CRHR1: variants seen among roughly 807,000 people sequenced by gnomAD.
CRHR1 encodes corticotropin releasing hormone receptor 1.
A neutral mutation model predicts 56.0 loss-of-function variants in CRHR1; 28 were observed. The ratio of observed to expected loss-of-function variants is 0.50; its 90% confidence interval spans 0.37 to 0.69. The LOEUF (loss-of-function observed/expected upper bound fraction) is 0.69, where lower values mean the gene tolerates loss of function less well. Among genes scored for constraint, CRHR1 ranks in the 30% least tolerant of loss-of-function variants. The pLI is 0.00. For synonymous variants in CRHR1, 195 were observed against 216.5 expected, an observed-to-expected ratio of 0.90 and a Z score of 0.87; for missense variants, 376 against 548.0, an observed-to-expected ratio of 0.69 and a Z score of 3.13.
chr17:45,790,784 C>G (rs1248282793), intron 1 of CRHR1, among the ~76,000 whole-genome samples: 1 of 152,198 alleles, frequency 6.6e-6, no homozygotes, highest in Non-Finnish European at 1.5e-5. Context: ...ACCAGGGAGG[C>G]AGGGCTTGTT....
chr17:45,833,709 C>T lies in CRHR1; in HGVS notation c.930-5C>T, dbSNP rs776195233. On this transcript the variant is annotated splice_region_variant and splice_polypyrimidine_tract_variant and intron_variant, in intron 10 of 12. Coordinates refer to ENST00000314537, the MANE Select transcript of CRHR1 (RefSeq NM_004382.5). ...CTCCGAGCCTCCCCACCCGCCCCACCCCAGGAAGGCTGTGAAAGCCACTCT... is the reference window on the plus strand; with the variant it reads ...CTCCGAGCCTCCCCACCCGCCCCACTCCAGGAAGGCTGTGAAAGCCACTCT... 1 of 1,608,016 alleles carries T rather than the reference C, an allele frequency of 6.2e-7. No individual in the cohort carries two copies. Among genetic ancestry groups the T allele is most frequent in the South Asian group, 1.1e-5 (1 of 90,872 alleles).
chr17:45,821,757 A>G (rs1447700132), intron 4 of CRHR1, among the ~76,000 whole-genome samples: 1 of 152,194 alleles, frequency 6.6e-6, no homozygotes, highest in Non-Finnish European at 1.5e-5. Context: ...GTGCAAAGGG[A>G]GACCAGACTC....
chr17:45,795,090 GAGTCAGGGGAAGGAGTTCCC>G (rs748982531), intron 1 of CRHR1, among the ~76,000 whole-genome samples: 1,932 of 152,340 alleles, frequency 0.013, 19 homozygotes, highest in Non-Finnish European at 0.017. Context: ...AGGACAGAGT[GAGTCAGGGGAAGGAGTTCCC>G]ATCTGCCCAG....
chr17:45,833,087 T>C (rs2062352018), intron 8 of CRHR1, 51 bp from the exon 9 acceptor site: 1 of 1,506,322 alleles, frequency 6.6e-7, no homozygotes, highest in African/African-American at 1.4e-5. Context: ...CCCCATGCCA[T>C]CGAGGTGGAC....
chr17:45,824,437 C>T (rs902680000), intron 4 of CRHR1, among the ~76,000 whole-genome samples: 2 of 152,204 alleles, frequency 1.3e-5, no homozygotes, highest in Non-Finnish European at 2.9e-5. Flanking sequence ...ACCTGTCTCT[C>T]CTGCTCTATT....
chr17:45,835,147 G>A lies in CRHR1; in HGVS notation c.*383G>A, dbSNP rs546843111. The A allele has an allele frequency of 2.7e-5, 6 of 224,020 alleles. No homozygotes were observed. Among genetic ancestry groups the A allele is most frequent in the African/African-American group, 4.5e-5 (2 of 44,536 alleles). The allele number at this position is 224,020 out of a possible 1,614,324, so 13.9% of individuals were successfully genotyped here. A position where few individuals can be genotyped will look rare whatever the true frequency, so the allele number is the denominator to read the frequency against. On this transcript the variant is annotated 3_prime_UTR_variant, in exon 13 of 13. Coordinates refer to ENST00000314537, the MANE Select transcript of CRHR1 (RefSeq NM_004382.5). ...GGCCCTGGGGCTGCCCTCGGCAACC[G>A]TGGGGAGGCCATTTGCTGCCCTGGG...
intron 2 of CRHR1, among the ~76,000 whole-genome samples, chr17:45,811,668 C>G (rs1313370915): frequency 6.6e-6 from 1 of 152,172 alleles, no homozygotes; most frequent in Non-Finnish European, 1.5e-5. Context: ...ACACCTGCTC[C>G]GGGGGTCCTT....
chr17:45,823,403 CTTTTTTTTTTTT>C (rs71138512), intron 4 of CRHR1, among the ~76,000 whole-genome samples: 1 of 100,602 alleles, frequency 9.9e-6, no homozygotes, highest in Non-Finnish European at 2.0e-5. Context: ...GGGACATTCC[CTTTTTTTTTTTT>C]TTTTTTTTTT....
chr17:45,796,081 G>A (rs1024568236), intron 1 of CRHR1, among the ~76,000 whole-genome samples: 1 of 152,090 alleles, frequency 6.6e-6, no homozygotes, highest in Non-Finnish European at 1.5e-5. Flanking sequence ...CTCCATAAAG[G>A]ACATCTTTTC....
intron 6 of CRHR1, 30 bp from the exon 7 acceptor site, chr17:45,830,387 C>T: frequency 6.3e-7 from 1 of 1,592,030 alleles, no homozygotes; most frequent in Non-Finnish European, 8.6e-7. Context: ...TGCCCCCCAT[C>T]ATCATCTCTG....
chr17:45,804,033 CCT>C (rs1461510481), intron 1 of CRHR1, among the ~76,000 whole-genome samples: 2 of 152,186 alleles, frequency 1.3e-5, no homozygotes, highest in Admixed American at 1.3e-4. Context: ...GTGGCCTCCT[CCT>C]CTCTCTACTT....
intron 1 of CRHR1, among the ~76,000 whole-genome samples, chr17:45,801,006 T>A (rs2061611452): frequency 6.6e-6 from 1 of 152,230 alleles, no homozygotes; most frequent in South Asian, 2.1e-4. Flanking sequence ...AACACGGTTA[T>A]TTATGGTCTC....
chr17:45,832,751 TGTG>T (rs1434653956), intron 8 of CRHR1, among the ~76,000 whole-genome samples: 1 of 152,130 alleles, frequency 6.6e-6, no homozygotes, highest in African/African-American at 2.4e-5. Context: ...GGGTGACAGG[TGTG>T]GTGCCACTCC....
intron 4 of CRHR1, among the ~76,000 whole-genome samples, chr17:45,828,139 C>G (rs2062206386): frequency 6.6e-6 from 1 of 152,194 alleles, no homozygotes; most frequent in Admixed American, 6.5e-5. Flanking sequence ...GTGTCAAGCT[C>G]TTGGTTTCTA....
intron 2 of CRHR1, among the ~76,000 whole-genome samples, chr17:45,812,255 T>C (rs2061837979): frequency 1.3e-5 from 2 of 152,212 alleles, no homozygotes; most frequent in Non-Finnish European, 1.5e-5. Context: ...CCAAAACCTA[T>C]GGATATGGAG....
intron 1 of CRHR1, among the ~76,000 whole-genome samples, chr17:45,785,340 A>C (rs2061316720): frequency 6.6e-6 from 1 of 152,220 alleles, no homozygotes; most frequent in African/African-American, 2.4e-5. Flanking sequence ...GGGTTGTGTG[A>C]GCCAGGGAAG....
intron 8 of CRHR1, among the ~76,000 whole-genome samples, chr17:45,832,383 C>A (rs1364869774): frequency 6.6e-6 from 1 of 152,198 alleles, no homozygotes; most frequent in Non-Finnish European, 1.5e-5. Flanking sequence ...AGACCAGAGG[C>A]CCGAGGACTG....
At chr17:45,833,693 T>TGGGGGGGGGGGGCCCCCC in intron 10 of CRHR1, 21 bp from the exon 11 acceptor site, 3 of 1,571,606 alleles carry the variant, frequency 1.9e-6, no homozygotes, top group Non-Finnish European at 2.6e-6. Context: ...ACTCCGAGCC[T>TGGGGGGGGGGGGCCCCCC]CCCCACCCGC....
At chr17:45,828,269 C>T (rs756361483) in intron 4 of CRHR1, among the ~76,000 whole-genome samples, 1 of 152,236 alleles carries the variant, frequency 6.6e-6, no homozygotes, top group Non-Finnish European at 1.5e-5. Flanking sequence ...GACCTGTTTG[C>T]AGCCTTCGTA....
Sources: allele counts gnomAD v4.1 joint callset (sites outside exome capture counted in the v4.1 genomes callset), GRCh38; gene constraint gnomAD v4.1.1; transcripts MANE v1.5; gene names NCBI Gene and HGNC (gene_info 2026-07-23, HGNC 2026-07-21).